The following ASB18 variants were observed in gnomAD, a reference collection of about 807,000 sequenced individuals.
ASB18 encodes the protein ankyrin repeat and SOCS box containing 18, also known as ankyrin repeat and SOCS box protein 18.
A neutral mutation model predicts 33.4 loss-of-function variants in ASB18; 33 were observed. That is an observed-to-expected ratio of 0.99 (90% CI 0.75 to 1.32). The LOEUF (loss-of-function observed/expected upper bound fraction) is 1.32, where lower values mean the gene tolerates loss of function less well. Ranked by LOEUF, ASB18 falls within the 40% of genes most tolerant of loss-of-function variation. The pLI is 0.00. For synonymous variants in ASB18, 295 were observed against 307.6 expected (o/e 0.96, Z 0.43); for missense variants, 694 against 655.5 (o/e 1.06, Z -0.64).
chr2:236,194,975 C>A lies in ASB18; in HGVS notation c.1298G>T (p.Arg433Leu). ...AAAGCACCTTTTGCCAAACAGTCTG[C>A]GAAGAGCACAGCGGCAAAGATGCTG... is the stretch of plus-strand genomic sequence containing the variant. ...CLQHLCRCAL[R>L]RLFGKRCFDL... Residue 433 changes from arginine to leucine, a missense_variant, in exon 6 of 6, where the codon CGC becomes CTC. Transcript: ENST00000409749. This position sits in a 1 kb window ranked among gnomAD's most constrained non-coding sequence, Gnocchi z 4.5. The A allele has an allele frequency of 1.9e-6, 3 of 1,613,870 alleles. No homozygotes were observed. Among genetic ancestry groups the A allele is most frequent in the South Asian group, 2.2e-5 (2 of 91,012 alleles).
chr2:236,242,375 T>C (rs964872593), intron 1 of ASB18, among the ~76,000 whole-genome samples: 1 of 152,206 alleles, frequency 6.6e-6, no homozygotes, highest in Non-Finnish European at 1.5e-5. Flanking sequence ...TAGCAGGACC[T>C]ACTCTCAGGG....
In ASB18 at chr2:236,246,346, C is replaced by CAAAAAAAAAAAA. The variant is rs60064230; in HGVS notation, c.206-4956_206-4945dup. Among the ~76,000 whole-genome samples, 13 of 32,718 alleles carry CAAAAAAAAAAAA rather than the reference C, an allele frequency of 4.0e-4. 1 individual carries two copies. The highest frequency in any genetic ancestry group is 2.4e-3 in the South Asian group (1 of 416). 21.5% of individuals were successfully genotyped at this position (32,718 alleles called of 152,430 possible). Reference sequence around the variant, plus strand: ...TGGGTGACAGAGCAAGACTCCATCTCAAAAAAAAAAAAAAAAAAAAAAAAA... The same window carrying CAAAAAAAAAAAA: ...TGGGTGACAGAGCAAGACTCCATCTCAAAAAAAAAAAAAAAAAAAAAAAAAAAAAAAAAAAAA... On this transcript the variant is annotated intron_variant, in intron 1 of 5. Transcript: ENST00000409749.
Position 236,195,027 on chromosome 2 carries a change from CAA to C in ASB18, c.1244_1245del (p.Phe415CysfsTer27), listed in dbSNP as rs891880798. 4 of 1,612,904 alleles carry C rather than the reference CAA, an allele frequency of 2.5e-6. No individual in the cohort carries two copies. The highest frequency in any genetic ancestry group is 3.4e-6 in the Non-Finnish European group (4 of 1,179,528). On this transcript the variant is annotated frameshift_variant, in exon 6 of 6. Coordinates refer to ENST00000409749, the MANE Select transcript of ASB18 (RefSeq NM_212556.4). LOFTEE classifies it low-confidence loss of function (END_TRUNC). The surrounding 1 kb of genome is among the most constrained non-coding windows in gnomAD (Gnocchi z 5.5). ...QMHKPFYQSLFALALTPRCLQ... is the reference protein window; with the variant it reads ...QMHKPFYQSLXALALTPRCLQ... The stretch of plus-strand genomic sequence containing the variant: ...AGGCAGCGTGGGGTGAGGGCCAAGG[CAA>C]AGAGGGACTGGTAGAACGGCTTGTG...
Position 236,228,632 on chromosome 2 carries a change from A to G in ASB18, c.596+9057T>C, listed in dbSNP as rs1190515436. 6.6e-6 allele frequency among the ~76,000 whole-genome samples: 1 copy of G among 152,220 alleles called. No individual in the cohort carries two copies. Among genetic ancestry groups the G allele is most frequent in the African/African-American group, 2.4e-5 (1 of 41,448 alleles). On this transcript the variant is annotated intron_variant, in intron 3 of 5. Transcript: ENST00000409749. The surrounding 1 kb of genome is among the most constrained non-coding windows in gnomAD (Gnocchi z 5.1). ...GGTGGATTTCTACCAGAAAGTTTCT[A>G]GGACAGAAACGGTGCAGTGCTCATC...
chr2:236,209,084 T>G lies in ASB18; in HGVS notation c.1101+5278A>C, dbSNP rs559262838. Among the ~76,000 whole-genome samples, 6 of 152,178 alleles carry G rather than the reference T, an allele frequency of 3.9e-5. No individual in the cohort carries two copies. The South Asian group carries it at 1.2e-3, about 32-fold the overall frequency. On this transcript the variant is annotated intron_variant, in intron 4 of 5. Coordinates refer to ENST00000409749, the MANE Select transcript of ASB18 (RefSeq NM_212556.4). The surrounding 1 kb of genome is among the most constrained non-coding windows in gnomAD (Gnocchi z 4.4). ...GTGAAGATGGGAGGGGGAGCCCTGGTTTTTGACTACTGCTACTCCAGAAAT... is the reference window on the plus strand; with the variant it reads ...GTGAAGATGGGAGGGGGAGCCCTGGGTTTTGACTACTGCTACTCCAGAAAT...
intron 1 of ASB18, among the ~76,000 whole-genome samples, chr2:236,254,946 G>T (rs1022499130): frequency 6.6e-6 from 1 of 152,092 alleles, no homozygotes; most frequent in African/African-American, 2.4e-5. Flanking sequence ...GTTCTTGTGA[G>T]ATCTGGTTGT....
In ASB18 at chr2:236,251,496, C is replaced by A. The variant is rs1390018482; in HGVS notation, c.206-10094G>T. On this transcript the variant is annotated intron_variant, in intron 1 of 5. Coordinates refer to ENST00000409749, the MANE Select transcript of ASB18 (RefSeq NM_212556.4). This position sits in a 1 kb window ranked among gnomAD's most constrained non-coding sequence, Gnocchi z 5.3. ...ATCTCACACAGGGAGCAAAATACTT[C>A]TCTCTTGAAGTTGGTTTGCTTTGAT... Among the ~76,000 whole-genome samples the A allele has an allele frequency of 6.6e-6, 1 of 152,194 alleles. No homozygotes were observed. Among genetic ancestry groups the A allele is most frequent in the Non-Finnish European group, 1.5e-5 (1 of 68,040 alleles).
In ASB18 at chr2:236,196,131, G is replaced by A; in HGVS notation, c.1215+141C>T. ...AGCCTCCAGAAAAAACCAGAAACGT[G>A]CAAATACACCCTCATTTCCCATTCT... On this transcript the variant is annotated intron_variant, in intron 5 of 5. Coordinates refer to ENST00000409749, the MANE Select transcript of ASB18 (RefSeq NM_212556.4). The surrounding 1 kb of genome is among the most constrained non-coding windows in gnomAD (Gnocchi z 5.6). The A allele has an allele frequency of 7.2e-6, 5 of 696,658 alleles. No homozygotes were observed. Among genetic ancestry groups the A allele is most frequent in the Non-Finnish European group, 1.3e-5 (5 of 374,268 alleles). 43.2% of individuals were successfully genotyped at this position (696,658 alleles called of 1,614,324 possible). A position where few individuals can be genotyped will look rare whatever the true frequency, so the allele number is the denominator to read the frequency against.
At chr2:236,258,664 C>T (rs1163971114) in intron 1 of ASB18, among the ~76,000 whole-genome samples, 1 of 152,174 alleles carries the variant, frequency 6.6e-6, no homozygotes. Flanking sequence ...ATGGTTCGCC[C>T]TGCATCAAGC....
intron 4 of ASB18, among the ~76,000 whole-genome samples, chr2:236,202,389 CTTTT>C (rs748783796): frequency 1.4e-5 from 2 of 145,480 alleles, no homozygotes. Context: ...TCACTTTATT[CTTTT>C]TGTTTTCTGC....
rs56904956 is a variant in ASB18, at chr2:236,253,535, CTTATTATTA to C, written c.205+10597_205+10605del. The stretch of plus-strand genomic sequence containing the variant: ...GGGACTACAGCCACTTGCTGGTTAA[CTTATTATTA>C]TTATTATTATTATTATTATTGTGGT... On this transcript the variant is annotated intron_variant, in intron 1 of 5. Transcript: ENST00000409749. This position sits in a 1 kb window ranked among gnomAD's most constrained non-coding sequence, Gnocchi z 5.4. 4.6e-4 allele frequency among the ~76,000 whole-genome samples: 67 copies of C among 146,210 alleles called. 1 individual carries two copies. Among genetic ancestry groups the C allele is most frequent in the African/African-American group, 1.2e-3 (47 of 39,658 alleles).
In ASB18 at chr2:236,263,738, G is replaced by A. The variant is rs983780601; in HGVS notation, c.205+403C>T. Among the ~76,000 whole-genome samples the A allele has an allele frequency of 3.3e-5, 5 of 152,178 alleles. No individual in the cohort carries two copies. The highest frequency in any genetic ancestry group is 1.2e-4 in the African/African-American group (5 of 41,436). On this transcript the variant is annotated intron_variant, in intron 1 of 5. Coordinates refer to ENST00000409749, the MANE Select transcript of ASB18 (RefSeq NM_212556.4). The surrounding 1 kb of genome is among the most constrained non-coding windows in gnomAD (Gnocchi z 4.0). ...GGCATTTGGTTTAAGTATTTCAGTA[G>A]GGGATTGAAATTGGGAAGACTATGT...
At chr2:236,247,703 C>T (rs942845597) in intron 1 of ASB18, 6 of 152,164 alleles carry the variant, frequency 3.9e-5, no homozygotes, top group African/African-American at 1.4e-4. Flanking sequence ...ATCTTCTCTG[C>T]CAACTTTAGT....
In ASB18 at chr2:236,213,446, A is replaced by T. The variant is rs561502068; in HGVS notation, c.1101+916T>A. ...ATTTGTTCAAAACTAATCAGGCCAAAATATGTCTTATGTCTATGAGTGATG... is the reference window on the plus strand; with the variant it reads ...ATTTGTTCAAAACTAATCAGGCCAATATATGTCTTATGTCTATGAGTGATG... On this transcript the variant is annotated intron_variant, in intron 4 of 5. Transcript: ENST00000409749. This position sits in a 1 kb window ranked among gnomAD's most constrained non-coding sequence, Gnocchi z 4.8. Among the ~76,000 whole-genome samples, 7 of 152,278 alleles carry T rather than the reference A, an allele frequency of 4.6e-5. No homozygotes were observed. The highest frequency in any genetic ancestry group is 7.3e-5 in the Non-Finnish European group (5 of 68,030).
At position 236,262,439 on chromosome 2, in the gene ASB18, C is replaced by A. The variant is rs1278327330; in HGVS notation, c.205+1702G>T. Reference sequence around the variant, plus strand: ...AGGAGCTGCTGGGCAGGAGCCAAGCCTTCCACAGAAGGAGGCTGCTAAACC... The same window carrying A: ...AGGAGCTGCTGGGCAGGAGCCAAGCATTCCACAGAAGGAGGCTGCTAAACC... On this transcript the variant is annotated intron_variant, in intron 1 of 5. Coordinates refer to ENST00000409749, the MANE Select transcript of ASB18 (RefSeq NM_212556.4). The surrounding 1 kb of genome is among the most constrained non-coding windows in gnomAD (Gnocchi z 5.2). Among the ~76,000 whole-genome samples the A allele has an allele frequency of 6.6e-6, 1 of 152,192 alleles. No homozygotes were observed. Among genetic ancestry groups the A allele is most frequent in the Non-Finnish European group, 1.5e-5 (1 of 68,028 alleles).
Position 236,225,055 on chromosome 2 carries a change from G to T in ASB18, c.597-10189C>A, listed in dbSNP as rs548003443. Among the ~76,000 whole-genome samples, 3 of 152,232 alleles carry T rather than the reference G, an allele frequency of 2.0e-5. No homozygotes were observed. Among genetic ancestry groups the T allele is most frequent in the African/African-American group, 7.2e-5 (3 of 41,544 alleles). ...CCTGTTCTTAGGTGGAGACTGCTGG[G>T]TCCCCCCACCCATAAGATAATTAGC... is the stretch of plus-strand genomic sequence containing the variant. On this transcript the variant is annotated intron_variant, in intron 3 of 5. Transcript: ENST00000409749. This position sits in a 1 kb window ranked among gnomAD's most constrained non-coding sequence, Gnocchi z 5.1.
At chr2:236,247,063 C>T (rs969377297) in intron 1 of ASB18, among the ~76,000 whole-genome samples, 6 of 151,544 alleles carry the variant, frequency 4.0e-5, no homozygotes, top group Non-Finnish European at 8.8e-5. Context: ...TATTTGTCAA[C>T]AGCTTCCTAA....
Position 236,208,361 on chromosome 2 carries a change from C to T in ASB18, c.1101+6001G>A, listed in dbSNP as rs1458701523. Among the ~76,000 whole-genome samples, 1 of 152,172 alleles carries T rather than the reference C, an allele frequency of 6.6e-6. No individual in the cohort carries two copies. The highest frequency in any genetic ancestry group is 1.5e-5 in the Non-Finnish European group (1 of 68,034). ...CGGCAGTCTCTGATTTCAATCATCC[C>T]CTTCTGTGTTGGGAAAAAAATCACG... On this transcript the variant is annotated intron_variant, in intron 4 of 5. Transcript: ENST00000409749. The surrounding 1 kb of genome is among the most constrained non-coding windows in gnomAD (Gnocchi z 7.7).
chr2:236,258,760 C>T (rs2060704520), intron 1 of ASB18, among the ~76,000 whole-genome samples: 1 of 152,168 alleles, frequency 6.6e-6, no homozygotes. Flanking sequence ...CACTCATTCC[C>T]CACCTATACA....
Sources: allele counts gnomAD v4.1 joint callset (sites outside exome capture counted in the v4.1 genomes callset), GRCh38; gene constraint gnomAD v4.1.1; non-coding constraint Gnocchi (gnomAD v3.1); transcripts MANE v1.5; gene names NCBI Gene and HGNC (gene_info 2026-07-23, HGNC 2026-07-21).